Variants in NFATC1 observed in about 807,000 individuals in gnomAD.
NFATC1 encodes the protein nuclear factor of activated T-cells, cytoplasmic 1.
NFATC1 carries 22 observed loss-of-function variants against 76.0 expected under a neutral mutation model. The ratio of observed to expected loss-of-function variants is 0.29; its 90% confidence interval spans 0.21 to 0.41. NFATC1 has a LOEUF of 0.41. NFATC1 is among the 10% of genes least tolerant of loss of function. NFATC1 has a pLI of 1.00. For missense variants in NFATC1, 1,357 were observed against 1,337.7 expected (o/e 1.01, Z -0.23); for synonymous variants, 704 against 613.1 (o/e 1.15, Z -2.19).
intron 7 of NFATC1, among the ~76,000 whole-genome samples, chr18:79,462,082 G>T (rs1235154099): frequency 6.6e-6 from 1 of 152,164 alleles, no homozygotes; most frequent in Non-Finnish European, 1.5e-5. Flanking sequence ...CGTGCATACA[G>T]CCGGTGCCTG....
intron 2 of NFATC1, among the ~76,000 whole-genome samples, chr18:79,424,608 CGTCTGTCTCTCT>C (rs1322496749): frequency 1.2e-4 from 15 of 126,540 alleles, no homozygotes. Flanking sequence ...TCTGTCTCTC[CGTCTGTCTCTCT>C]GTCTCTCCGT....
Position 79,396,269 on chromosome 18 carries a change from C to T in NFATC1, c.45C>T (p.Gly15=). Residue 15 remains glycine (G), a synonymous_variant, in exon 1 of 10, where the codon GGC becomes GGT. Transcript: ENST00000427363. ...CAGTCCCTTCCAAGTTTCCACTTGG[C>T]CCTGCGGCTGCGGTCTTCGGGAGAG... is the stretch of plus-strand genomic sequence containing the variant. ...SFPVPSKFPL[G]PAAAVFGRGE... The T allele has an allele frequency of 2.7e-6, 4 of 1,481,830 alleles. No individual in the cohort carries two copies. The highest frequency in any genetic ancestry group is 1.3e-5 in the South Asian group (1 of 79,110). The allele number at this position is 1,481,830 out of a possible 1,614,324, so 91.8% of individuals were successfully genotyped here.
chr18:79,425,228 TCTCC>T (rs1179850973), intron 2 of NFATC1, among the ~76,000 whole-genome samples: 8 of 122,384 alleles, frequency 6.5e-5, no homozygotes, highest in East Asian at 1.9e-4. Flanking sequence ...TCTCTGTTTC[TCTCC>T]CTGTCTCTGT....
At chr18:79,461,504 T>C (rs1568990556) in intron 7 of NFATC1, 138 bp downstream of exon 7, 1 of 551,200 alleles carries the variant, frequency 1.8e-6, no homozygotes, top group Non-Finnish European at 2.8e-6. Context: ...ATAAAAATAG[T>C]GCATAGAGTA....
intron 9 of NFATC1, among the ~76,000 whole-genome samples, chr18:79,515,507 G>A (rs1004534987): frequency 3.3e-5 from 5 of 152,006 alleles, no homozygotes; most frequent in Admixed American, 6.6e-5. Context: ...TCACACCCCT[G>A]CAGCCTGGCC....
chr18:79,527,953 G>A lies in NFATC1; in HGVS notation c.*376G>A. The stretch of plus-strand genomic sequence containing the variant: ...AGTGCCTTATTTAACCAGACCATCA[G>A]GGCATCATAGAATTGAGCATTGAAT... On this transcript the variant is annotated 3_prime_UTR_variant, in exon 10 of 10. Coordinates refer to ENST00000427363, the MANE Select transcript of NFATC1 (RefSeq NM_001278669.2). 2 of 421,792 alleles carry A rather than the reference G, an allele frequency of 4.7e-6. No homozygotes were observed. Among genetic ancestry groups the A allele is most frequent in the Non-Finnish European group, 8.4e-6 (2 of 238,596 alleles). 26.1% of individuals were successfully genotyped at this position (421,792 alleles called of 1,614,324 possible). A position where few individuals can be genotyped will look rare whatever the true frequency, so the allele number is the denominator to read the frequency against.
chr18:79,495,160 C>G (rs2145111307), intron 9 of NFATC1, among the ~76,000 whole-genome samples: 1 of 152,356 alleles, frequency 6.6e-6, no homozygotes, highest in Non-Finnish European at 1.5e-5. Context: ...CGTGTGGGTG[C>G]TGTTGCAGGT....
At chr18:79,513,960 C>T (rs983948341) in intron 9 of NFATC1, among the ~76,000 whole-genome samples, 2 of 152,216 alleles carry the variant, frequency 1.3e-5, no homozygotes, top group African/African-American at 2.4e-5. Context: ...CCTGAGCTGG[C>T]CGCTCACTGT....
chr18:79,510,420 C>A (rs543983008), intron 9 of NFATC1, among the ~76,000 whole-genome samples: 1 of 152,192 alleles, frequency 6.6e-6, no homozygotes, highest in Non-Finnish European at 1.5e-5. Context: ...AAATAATTCA[C>A]GTTTAAATCA....
intron 9 of NFATC1, among the ~76,000 whole-genome samples, chr18:79,499,947 T>G (rs2089980324): frequency 6.6e-6 from 1 of 152,138 alleles, no homozygotes. Flanking sequence ...ATAAACACAT[T>G]TGCACATAAC....
intron 8 of NFATC1, among the ~76,000 whole-genome samples, chr18:79,485,772 C>T (rs924629529): frequency 6.6e-6 from 1 of 152,254 alleles, no homozygotes. Context: ...TTCGCAGTGA[C>T]GGACGGCTTC....
chr18:79,481,926 G>A (rs1208901648), intron 8 of NFATC1, among the ~76,000 whole-genome samples: 1 of 145,710 alleles, frequency 6.9e-6, no homozygotes, highest in Non-Finnish European at 1.5e-5. Context: ...ATTCCAGTGT[G>A]ACGTGGTCCT....
intron 3 of NFATC1, among the ~76,000 whole-genome samples, chr18:79,437,774 GCT>G (rs1005309396): frequency 6.6e-6 from 1 of 152,234 alleles, no homozygotes; most frequent in African/African-American, 2.4e-5. Context: ...GGCCTGCTCT[GCT>G]CTCAACGGAG....
At chr18:79,482,157 C>T (rs2089299441) in intron 8 of NFATC1, among the ~76,000 whole-genome samples, 1 of 145,622 alleles carries the variant, frequency 6.9e-6, no homozygotes. Context: ...GGTGTAATTC[C>T]AGCGTGACCT....
intron 1 of NFATC1, among the ~76,000 whole-genome samples, chr18:79,399,689 G>A (rs2085118823): frequency 6.6e-6 from 1 of 152,230 alleles, no homozygotes; most frequent in South Asian, 2.1e-4. Flanking sequence ...TTTCCCGCGG[G>A]GCGGGGGCGC....
intron 8 of NFATC1, among the ~76,000 whole-genome samples, chr18:79,476,018 G>C (rs1359084509): frequency 2.6e-5 from 4 of 152,228 alleles, no homozygotes; most frequent in Admixed American, 6.5e-5. Context: ...GCTCCAGAAG[G>C]GGGGTGGGGC....
At chr18:79,519,108 T>A (rs2090453351) in intron 9 of NFATC1, among the ~76,000 whole-genome samples, 1 of 152,152 alleles carries the variant, frequency 6.6e-6, no homozygotes, top group Non-Finnish European at 1.5e-5. Context: ...TGCAAAGACC[T>A]CGCCTCAGAA....
chr18:79,426,231 T>A (rs2086323258), intron 2 of NFATC1, among the ~76,000 whole-genome samples: 1 of 143,400 alleles, frequency 7.0e-6, no homozygotes, highest in Admixed American at 6.7e-5. Flanking sequence ...CATTTCAGGA[T>A]ATGTCTTTTT....
At chr18:79,516,689 T>A (rs1260030552) in intron 9 of NFATC1, among the ~76,000 whole-genome samples, 2 of 152,182 alleles carry the variant, frequency 1.3e-5, no homozygotes, top group East Asian at 3.8e-4. Flanking sequence ...AAGAGGTTGC[T>A]TCTTCTCAAA....
Sources: gnomAD v4.1 joint callset for allele counts (sites outside exome capture counted in the v4.1 genomes callset) on GRCh38, gnomAD v4.1.1 for gene constraint, MANE v1.5 for transcripts, NCBI Gene and HGNC (gene_info 2026-07-23, HGNC 2026-07-21) for gene names.